The following TNK2 variants were observed in gnomAD, a reference collection of about 807,000 sequenced individuals.
TNK2 encodes activated CDC42 kinase 1.
TNK2 carries 83 observed loss-of-function variants against 101.8 expected under a neutral mutation model. The ratio of observed to expected loss-of-function variants is 0.82; its 90% CI spans 0.68 to 0.98. TNK2 has a LOEUF of 0.98. Among genes scored for constraint, TNK2 ranks in the 50% least tolerant of loss-of-function variants. The pLI is 0.00. For synonymous variants in TNK2, 804 were observed against 633.0 expected, an observed-to-expected ratio of 1.27 and a Z score of -4.06; for missense variants, 1,665 against 1,483.2, an observed-to-expected ratio of 1.12 and a Z score of -2.01.
At chr3:195,883,650 T>C (rs1560518795) in intron 4 of TNK2, 1 of 221,688 alleles carries the variant, frequency 4.5e-6, no homozygotes, top group Non-Finnish European at 9.4e-6. Context: ...GTCTCGCTCT[T>C]GTCGCCCAGG....
At chr3:195,876,586 TG>T in intron 9 of TNK2, 1 of 456,472 alleles carries the variant, frequency 2.2e-6, no homozygotes, top group South Asian at 1.5e-5. Context: ...CCGGCTGTTG[TG>T]GCCTCCTGCC....
At chr3:195,897,808 T>TC (rs1760781197) in intron 1 of TNK2, among the ~76,000 whole-genome samples, 23 of 19,424 alleles carry the variant, frequency 1.2e-3, no homozygotes, top group Non-Finnish European at 1.7e-3. Context: ...GCCCACCCCC[T>TC]CACCCCCCCA....
intron 1 of TNK2, chr3:195,892,782 A>G: frequency 8.3e-7 from 1 of 1,201,972 alleles, no homozygotes; most frequent in Non-Finnish European, 1.0e-6. Context: ...TTCCCCACCC[A>G]ACTGCCCGCC....
intron 6 of TNK2, among the ~76,000 whole-genome samples, chr3:195,880,327 C>G (rs1751681746): frequency 6.6e-6 from 1 of 152,144 alleles, no homozygotes; most frequent in Non-Finnish European, 1.5e-5. Context: ...CCCTGGCGAA[C>G]TTCCCTGATG....
chr3:195,896,072 T>G (rs1462473128), intron 1 of TNK2: 1 of 455,336 alleles, frequency 2.2e-6, no homozygotes, highest in Non-Finnish European at 4.4e-6. Flanking sequence ...TTCAGAGCGG[T>G]GACACGAGGG....
At chr3:195,880,257 C>CTG (rs1303879395) in intron 6 of TNK2, among the ~76,000 whole-genome samples, 1 of 152,122 alleles carries the variant, frequency 6.6e-6, no homozygotes, top group Non-Finnish European at 1.5e-5. Flanking sequence ...ACAAGGCCTG[C>CTG]TGTGGCCTGG....
chr3:195,882,212 G>A lies in TNK2; in HGVS notation c.726C>T (p.Tyr242=). 1 of 1,613,908 alleles carries A rather than the reference G, an allele frequency of 6.2e-7. No individual in the cohort carries two copies. Among genetic ancestry groups the A allele is most frequent in the Non-Finnish European group, 8.5e-7 (1 of 1,180,042 alleles). The part of the protein sequence containing the change: ...YAVQVAEGMG[Y]LESKRFIHRD... Reference sequence around the variant, plus strand: ...GGTGAATAAAGCGCTTGGACTCCAGGTAGCCCATGCCCTCAGCCACCTGCA... The same window carrying A: ...GGTGAATAAAGCGCTTGGACTCCAGATAGCCCATGCCCTCAGCCACCTGCA... The change falls in exon 6 of 16, where the codon TAC becomes TAT. Residue 242 remains tyrosine (Y), a synonymous_variant. Coordinates refer to ENST00000672887, the MANE Select transcript of TNK2 (RefSeq NM_001382273.1). The surrounding 1 kb of genome is among the most constrained non-coding windows in gnomAD (Gnocchi z 4.2).
rs1344860409 is a variant in TNK2, at chr3:195,867,870, G to A, written c.2428C>T (p.Leu810=). 1 of 1,530,594 alleles carries A rather than the reference G, an allele frequency of 6.5e-7. No individual in the cohort carries two copies. The highest frequency in any genetic ancestry group is 8.7e-7 in the Non-Finnish European group (1 of 1,145,320). 94.8% of individuals were successfully genotyped at this position (1,530,594 alleles called of 1,614,324 possible). A position where few individuals can be genotyped will look rare whatever the true frequency, so the allele number is the denominator to read the frequency against. Residue 810 remains leucine (L), a synonymous_variant, in exon 13 of 16, where the codon CTG becomes TTG. Coordinates refer to ENST00000672887, the MANE Select transcript of TNK2 (RefSeq NM_001382273.1). ...AGCGGGGAGCTGCCAGGTGGTACCA[G>A]GGGGCTGGGTGTCCTCGAGCCTTGA... ...SPQGSRTPSP[L]VPPGSSPLPP...
chr3:195,894,444 C>A (rs1245661687), intron 1 of TNK2: 1 of 150,270 alleles, frequency 6.7e-6, no homozygotes, highest in Non-Finnish European at 1.5e-5. Context: ...TTTTGAGAGT[C>A]TTGCTCTATC....
chr3:195,865,854 C>G (rs575538697), intron 15 of TNK2, among the ~76,000 whole-genome samples: 92 of 152,306 alleles, frequency 6.0e-4, no homozygotes, highest in African/African-American at 2.2e-3. Context: ...CAGACATGTC[C>G]CCCATCCATC....
At position 195,870,449 on chromosome 3, in the gene TNK2, C is replaced by T. The variant is rs80062149; in HGVS notation, c.1452-244G>A. The T allele has an allele frequency of 2.3e-3, 3,073 of 1,336,742 alleles. 41 individuals carry two copies. The East Asian group carries it at 0.036, about 16-fold the overall frequency. The allele number at this position is 1,336,742 out of a possible 1,614,324, so 82.8% of individuals were successfully genotyped here. A position where few individuals can be genotyped will look rare whatever the true frequency, so the allele number is the denominator to read the frequency against. ...CCTAGGACCTCAGGGACTCCAACTA[C>T]ACCCTACAAGGGCAGAGGTGGTCCT... On this transcript the variant is annotated intron_variant, in intron 10 of 15. Transcript: ENST00000672887.
chr3:195,878,591 A>G lies in TNK2; in HGVS notation c.1016T>C (p.Ile339Thr). Residue 339 changes from isoleucine (I) to threonine (T), a missense_variant and splice_region_variant, in exon 8 of 16, where the codon ATC (isoleucine) becomes ACC (threonine). By Grantham distance (89) the Ile-to-Thr change is moderately conservative. This residue lies in a region of TNK2 where 490 missense variants were observed against 522.5 expected (regional missense o/e 0.94). Transcript: ENST00000672887. This position sits in a 1 kb window ranked among gnomAD's most constrained non-coding sequence, Gnocchi z 4.7. ...EPWIGLNGSQ[I>T]LHKIDKEGER... ...CCCCTCCTTGTCGATCTTATGCAGG[A>G]TCTGAAGGTGAGGAGGTGCAGAGTT... is the stretch of plus-strand genomic sequence containing the variant. 1 of 1,612,324 alleles carries G rather than the reference A, an allele frequency of 6.2e-7. No individual in the cohort carries two copies. The highest frequency in any genetic ancestry group is 2.2e-5 in the East Asian group (1 of 44,850).
At chr3:195,872,700 T>C in intron 9 of TNK2, 5 of 529,274 alleles carry the variant, frequency 9.4e-6, no homozygotes, top group Non-Finnish European at 1.3e-5. Flanking sequence ...GTCAGGCAGC[T>C]TTCCCTATGG....
chr3:195,883,507 AGGAG>A, intron 4 of TNK2, 198 bp from the exon 5 acceptor site: 1 of 597,154 alleles, frequency 1.7e-6, no homozygotes, highest in South Asian at 2.2e-5. Flanking sequence ...GCTGGCCCTC[AGGAG>A]CCATCGTCGG....
At chr3:195,875,688 C>T (rs1418087541) in intron 9 of TNK2, among the ~76,000 whole-genome samples, 5 of 152,192 alleles carry the variant, frequency 3.3e-5, no homozygotes, top group Admixed American at 2.6e-4. Context: ...AGGCCGGAGT[C>T]CCCGTGGCCA....
rs749793557 is a variant in TNK2 at position 195,888,616 on chromosome 3, G to T, written c.-18-10C>A. On this transcript the variant is annotated splice_polypyrimidine_tract_variant and intron_variant, in intron 1 of 15. Transcript: ENST00000672887. The surrounding 1 kb of genome is among the most constrained non-coding windows in gnomAD (Gnocchi z 5.3). Reference sequence around the variant, plus strand: ...TGCCGCCTCCCAGCCTCTGTGGGGGGAGGAGTGGCTCAGGGACAAGGGTTG... The same window carrying T: ...TGCCGCCTCCCAGCCTCTGTGGGGGTAGGAGTGGCTCAGGGACAAGGGTTG... The T allele has an allele frequency of 1.2e-6, 2 of 1,603,216 alleles. No homozygotes were observed. The highest frequency in any genetic ancestry group is 2.2e-5 in the East Asian group (1 of 44,724).
rs10579442 is a variant in TNK2, at chr3:195,867,280, CCT to C, written c.2938-18_2938-17del. On this transcript the variant is annotated splice_polypyrimidine_tract_variant and intron_variant, in intron 13 of 15. Transcript: ENST00000672887. ...TGGCCTGCAGCTGGGCACACCCACC[CCT>C]GTCAGCACCACTAGGGCCCACTGCT... 0.16 allele frequency: 255,427 copies of C among 1,612,208 alleles called. 21,606 individuals carry two copies. Among genetic ancestry groups the C allele is most frequent in the Admixed American group, 0.18 (10,616 of 59,950 alleles).
intron 10 of TNK2, 90 bp downstream of exon 10, chr3:195,872,186 G>GA: frequency 7.0e-7 from 1 of 1,419,546 alleles, no homozygotes; most frequent in Non-Finnish European, 9.6e-7. Context: ...GCGAAAGGGT[G>GA]AAGAGCAGAT....
rs145704966 is a variant in TNK2 at position 195,903,889 on chromosome 3, A to G, written c.-19+4596T>C. On this transcript the variant is annotated intron_variant, in intron 1 of 15. Transcript: ENST00000672887. The stretch of plus-strand genomic sequence containing the variant: ...CAAAAAAGCTTGCTAGAATAAGTCA[A>G]TTTAGCAAGACTGCAGGATTCAAGC... 2.1e-3 allele frequency among the ~76,000 whole-genome samples: 315 copies of G among 152,348 alleles called. 2 individuals carry two copies. The highest frequency in any genetic ancestry group is 7.2e-3 in the African/African-American group (298 of 41,572).
Sources: gnomAD v4.1 joint callset for allele counts (sites outside exome capture counted in the v4.1 genomes callset) on GRCh38, gnomAD v4.1.1 for gene constraint, gnomAD v4.1.1 regional missense constraint, Gnocchi (gnomAD v3.1) non-coding constraint, MANE v1.5 for transcripts, NCBI Gene and HGNC (gene_info 2026-07-23, HGNC 2026-07-21) for gene names.